SEPTIN10: variants seen among roughly 807,000 people sequenced by gnomAD.
SEPTIN10 encodes the protein septin 10, also known as septin-10.
In SEPTIN10, 66 loss-of-function variants were observed where a neutral mutation model predicts 54.8. The observed-to-expected ratio is 1.21, with a 90% confidence interval of 0.99 to 1.48. The LOEUF (loss-of-function observed/expected upper bound fraction) is 1.48, where lower values mean the gene tolerates loss of function less well. Among genes scored for constraint, SEPTIN10 ranks in the 40% most tolerant of loss-of-function variants. The pLI is 0.00. For synonymous variants in SEPTIN10, 161 were observed against 181.0 expected, an observed-to-expected ratio of 0.89 and a Z score of 0.89; for missense variants, 620 against 545.6, an observed-to-expected ratio of 1.14 and a Z score of -1.36.
At chr2:109,593,632 C>T (rs770463646) in intron 1 of SEPTIN10, among the ~76,000 whole-genome samples, 4 of 152,062 alleles carry the variant, frequency 2.6e-5, no homozygotes, top group Non-Finnish European at 1.5e-5. Context: ...TCTCGAACTT[C>T]TGACCTCGTG....
At chr2:109,547,300 C>T (rs1481351872) in intron 9 of SEPTIN10, among the ~76,000 whole-genome samples, 7 of 151,328 alleles carry the variant, frequency 4.6e-5, no homozygotes, top group Admixed American at 2.6e-4. Flanking sequence ...AGAATGCAGT[C>T]GCCTCTTTGA....
At position 109,546,215 on chromosome 2, in the gene SEPTIN10, A is replaced by T. The variant is rs1681193774; in HGVS notation, c.1184T>A (p.Leu395His). ...TCTCTCTTCTTGGTGAAGTCTCTTA[A>T]GGTGCTCAAATTTGGCCTGTAGCTG... ...ERELQAKFEH[L>H]KRLHQEERMK... is the part of the protein sequence containing the mutation. Residue 395 changes from leucine to histidine, a missense_variant, in exon 10 of 11, where the codon CTT (leucine) becomes CAT (histidine). Coordinates refer to ENST00000397712, the MANE Select transcript of SEPTIN10 (RefSeq NM_144710.5). The T allele has an allele frequency of 1.9e-6, 3 of 1,573,276 alleles. No homozygotes were observed. Among genetic ancestry groups the T allele is most frequent in the Non-Finnish European group, 2.6e-6 (3 of 1,162,424 alleles).
At chr2:109,581,009 T>C (rs1362041877) in intron 4 of SEPTIN10, among the ~76,000 whole-genome samples, 1 of 152,142 alleles carries the variant, frequency 6.6e-6, no homozygotes, top group African/African-American at 2.4e-5. Context: ...GGCCCCCAAG[T>C]CCCTGGCTAA....
intron 1 of SEPTIN10, among the ~76,000 whole-genome samples, chr2:109,606,118 T>C (rs951057145): frequency 3.9e-5 from 6 of 152,142 alleles, no homozygotes; most frequent in Non-Finnish European, 8.8e-5. Context: ...GCTGGGAGAA[T>C]AAAATGTGGT....
At chr2:109,607,483 C>G (rs1417312873) in intron 1 of SEPTIN10, among the ~76,000 whole-genome samples, 4 of 151,950 alleles carry the variant, frequency 2.6e-5, no homozygotes, top group Non-Finnish European at 5.9e-5. Context: ...CTTGGGAGGA[C>G]AAAAATAAAT....
At chr2:109,604,182 A>G (rs1365444092) in intron 1 of SEPTIN10, among the ~76,000 whole-genome samples, 2 of 146,460 alleles carry the variant, frequency 1.4e-5, no homozygotes, top group East Asian at 4.0e-4. Flanking sequence ...AAAAAAAAGA[A>G]TTAAAAAAAA....
chr2:109,545,037 G>C (rs1680824743), intron 10 of SEPTIN10: 1 of 985,330 alleles, frequency 1.0e-6, no homozygotes, highest in African/African-American at 1.7e-5. Context: ...CCACCAATGG[G>C]CCAAGGTTAT....
At chr2:109,602,868 T>G (rs1257486218) in intron 1 of SEPTIN10, among the ~76,000 whole-genome samples, 1 of 145,878 alleles carries the variant, frequency 6.9e-6, no homozygotes, top group African/African-American at 2.6e-5. Flanking sequence ...TTAAAAGGAC[T>G]TAAAGCCTGA....
intron 1 of SEPTIN10, among the ~76,000 whole-genome samples, chr2:109,598,518 G>A (rs1422804082): frequency 2.6e-5 from 4 of 152,124 alleles, no homozygotes; most frequent in Non-Finnish European, 4.4e-5. Context: ...GAGAGCGAGA[G>A]AGAACAAAAA....
chr2:109,613,582 C>A (rs1331368069), intron 1 of SEPTIN10: 1 of 271,106 alleles, frequency 3.7e-6, no homozygotes, highest in Non-Finnish European at 6.8e-6. Context: ...CCGCGCCCCG[C>A]GAACCGGGGT....
intron 1 of SEPTIN10, among the ~76,000 whole-genome samples, chr2:109,606,172 T>G (rs1697894918): frequency 6.6e-6 from 1 of 152,160 alleles, no homozygotes; most frequent in South Asian, 2.1e-4. Context: ...ATCCCAGCAC[T>G]TTGGGAGACC....
chr2:109,549,137 GTCAT>G (rs1264439799), intron 9 of SEPTIN10, among the ~76,000 whole-genome samples: 3 of 152,284 alleles, frequency 2.0e-5, no homozygotes, highest in Admixed American at 2.0e-4. Context: ...CTCCCCAGAT[GTCAT>G]TCAAATCGGT....
intron 7 of SEPTIN10, among the ~76,000 whole-genome samples, chr2:109,565,343 T>C (rs1025948225): frequency 1.3e-5 from 2 of 152,186 alleles, no homozygotes; most frequent in African/African-American, 4.8e-5. Flanking sequence ...ATAATCTAAA[T>C]GTCAAGTAGA....
rs1344730490 is a variant in SEPTIN10 at position 109,543,192 on chromosome 2, CAT to C, written c.*1115_*1116del. On this transcript the variant is annotated 3_prime_UTR_variant, in exon 11 of 11. Coordinates refer to ENST00000397712, the MANE Select transcript of SEPTIN10 (RefSeq NM_144710.5). ...TTTATATCTTTAATATTCAGATGTTCATAGTTATTTTCTTAAAAAGTATTTTT... is the reference window on the plus strand; with the variant it reads ...TTTATATCTTTAATATTCAGATGTTCAGTTATTTTCTTAAAAAGTATTTTT... 2 of 152,514 alleles carry C rather than the reference CAT, an allele frequency of 1.3e-5. No homozygotes were observed. Among genetic ancestry groups the C allele is most frequent in the Non-Finnish European group, 2.9e-5 (2 of 68,008 alleles). The allele number at this position is 152,514 out of a possible 1,614,324, so 9.4% of individuals were successfully genotyped here.
chr2:109,542,892 CATAAA>C lies in SEPTIN10; in HGVS notation c.*1412_*1416del, dbSNP rs1229660952. ...ATAAGTTTCATTGTCTGAAAATACT[CATAAA>C]ATACCTCATCTCCAAAATAATTCAA... On this transcript the variant is annotated 3_prime_UTR_variant, in exon 11 of 11. Coordinates refer to ENST00000397712, the MANE Select transcript of SEPTIN10 (RefSeq NM_144710.5). 2 of 152,486 alleles carry C rather than the reference CATAAA, an allele frequency of 1.3e-5. No individual in the cohort carries two copies. Among genetic ancestry groups the C allele is most frequent in the African/African-American group, 2.4e-5 (1 of 41,440 alleles). The allele number at this position is 152,486 out of a possible 1,614,324, so 9.4% of individuals were successfully genotyped here.
chr2:109,598,638 G>A (rs1265496474), intron 1 of SEPTIN10, among the ~76,000 whole-genome samples: 1 of 151,632 alleles, frequency 6.6e-6, no homozygotes, highest in Non-Finnish European at 1.5e-5. Flanking sequence ...AGGTCAGGAG[G>A]TCAACACCAG....
At chr2:109,592,988 T>C in intron 2 of SEPTIN10, 63 bp downstream of exon 2, 1 of 1,143,952 alleles carries the variant, frequency 8.7e-7, no homozygotes, top group Non-Finnish European at 1.2e-6. Flanking sequence ...CTCCAAGTAG[T>C]TATTTTAAAA....
At chr2:109,567,677 C>A in intron 6 of SEPTIN10, 138 bp downstream of exon 6, 2 of 806,602 alleles carry the variant, frequency 2.5e-6, no homozygotes, top group Non-Finnish European at 3.7e-6. Flanking sequence ...TTTTCTCATA[C>A]TGGACTTTTT....
At position 109,588,832 on chromosome 2, in the gene SEPTIN10, G is replaced by A. The variant is rs907310023; in HGVS notation, c.100-2994C>T. Among the ~76,000 whole-genome samples the A allele has an allele frequency of 4.3e-4, 56 of 130,862 alleles. 1 individual carries two copies. Among genetic ancestry groups the A allele is most frequent in the African/African-American group, 1.5e-3 (54 of 34,980 alleles). 85.9% of individuals were successfully genotyped at this position (130,862 alleles called of 152,430 possible). A position where few individuals can be genotyped will look rare whatever the true frequency, so the allele number is the denominator to read the frequency against. On this transcript the variant is annotated intron_variant, in intron 2 of 10. Coordinates refer to ENST00000397712, the MANE Select transcript of SEPTIN10 (RefSeq NM_144710.5). ...TGAAGGTTGGGTGTGGTAAGTTAAA[G>A]CCTAGGTCAATTACTATTAAAAAAA...
Sources: gnomAD v4.1 joint callset for allele counts (sites outside exome capture counted in the v4.1 genomes callset) on GRCh38, gnomAD v4.1.1 for gene constraint, MANE v1.5 for transcripts, NCBI Gene and HGNC (gene_info 2026-07-23, HGNC 2026-07-21) for gene names.